Variants in PATE4 observed in about 807,000 individuals in gnomAD.
PATE4 encodes the protein prostate and testis expressed protein 4.
Under a neutral mutation model 8.5 loss-of-function variants are expected in PATE4, and 13 were observed. That is an observed-to-expected ratio of 1.53 (90% confidence interval 1.00 to 2.43). The LOEUF (loss-of-function observed/expected upper bound fraction) is 2.43. Ranked by LOEUF, PATE4 falls within the 30% of genes most tolerant of loss-of-function variation. The probability of loss-of-function intolerance (pLI) is 0.00; values close to 1 mark genes in which losing one functional copy is unlikely to be tolerated. For missense variants in PATE4, 127 were observed against 115.5 expected (o/e 1.10, Z -0.46); for synonymous variants, 47 against 39.3 (o/e 1.20, Z -0.73).
chr11:125,837,888 A>G lies in PATE4; in HGVS notation c.79A>G (p.Thr27Ala). 6.4e-7 allele frequency: 1 copy of G among 1,551,222 alleles called. No individual in the cohort carries two copies. The highest frequency in any genetic ancestry group is 8.7e-7 in the Non-Finnish European group (1 of 1,146,588). ...TGCAGTTATGGGTCTGAAGTGTAAT[A>G]CCTGCATATACACAGAAGGATGGAA... is the stretch of plus-strand genomic sequence containing the variant. ...LKEVMGLKCN[T>A]CIYTEGWKCM... is the part of the protein sequence containing the mutation. The change falls in exon 2 of 3, where the codon ACC becomes GCC. Residue 27 changes from threonine (T) to alanine (A), a missense_variant. Physicochemically the swap from Thr to Ala is moderately conservative, Grantham distance 58. Coordinates refer to ENST00000457514, the MANE Select transcript of PATE4 (RefSeq NM_001144874.1).
At chr11:125,838,250 A>G in intron 2 of PATE4, 56 bp from the exon 3 acceptor site, 2 of 1,474,014 alleles carry the variant, frequency 1.4e-6, no homozygotes, top group South Asian at 1.4e-5. Context: ...GAGTTTTAGT[A>G]AGTCACTAGT....
Position 125,837,861 on chromosome 11 carries a change from C to G in PATE4, c.59-7C>G. Reference sequence around the variant, plus strand: ...AGCCTGAATATTCTATTCTCTCCACCCTGCAGTTATGGGTCTGAAGTGTAA... The same window carrying G: ...AGCCTGAATATTCTATTCTCTCCACGCTGCAGTTATGGGTCTGAAGTGTAA... On this transcript the variant is annotated splice_region_variant and splice_polypyrimidine_tract_variant and intron_variant, in intron 1 of 2. Coordinates refer to ENST00000457514, the MANE Select transcript of PATE4 (RefSeq NM_001144874.1). 6.5e-7 allele frequency: 1 copy of G among 1,541,380 alleles called. No individual in the cohort carries two copies. The highest frequency in any genetic ancestry group is 8.8e-7 in the Non-Finnish European group (1 of 1,138,064).
intron 1 of PATE4, among the ~76,000 whole-genome samples, chr11:125,837,453 GC>G (rs1943928685): frequency 6.6e-6 from 1 of 151,904 alleles, no homozygotes; most frequent in African/African-American, 2.4e-5. Flanking sequence ...CCCATCCCCT[GC>G]CCCCACCTCC....
Position 125,838,323 on chromosome 11 carries a change from T to C in PATE4, c.193T>C (p.Ser65Pro). The C allele has an allele frequency of 6.5e-7, 1 of 1,548,960 alleles. No individual in the cohort carries two copies. The highest frequency in any genetic ancestry group is 1.2e-5 in the South Asian group (1 of 83,728). ...ATTTTCAGGAGACAAACATATGTAC[T>C]CAACACATATGTGTAAGTATAAGTG... ...AYFRGDKHMYSTHMCKYKCRE... is the reference protein window; with the variant it reads ...AYFRGDKHMYPTHMCKYKCRE... Residue 65 changes from serine to proline, a missense_variant, in exon 3 of 3, where the codon TCA becomes CCA. By Grantham distance (74) the Ser-to-Pro change is moderately conservative. Coordinates refer to ENST00000457514, the MANE Select transcript of PATE4 (RefSeq NM_001144874.1).
In PATE4 at chr11:125,837,878, G is replaced by A; in HGVS notation, c.69G>A (p.Leu23=). ...CTCTCCACCCTGCAGTTATGGGTCT[G>A]AAGTGTAATACCTGCATATACACAG... ...SFLYLKEVMG[L]KCNTCIYTEG... The change falls in exon 2 of 3, where the codon CTG becomes CTA. Residue 23 remains leucine (L), a synonymous_variant. Transcript: ENST00000457514. The A allele has an allele frequency of 6.4e-7, 1 of 1,550,744 alleles. No homozygotes were observed. The highest frequency in any genetic ancestry group is 8.7e-7 in the Non-Finnish European group (1 of 1,146,210).
rs1943936159 is a variant in PATE4 at position 125,838,390 on chromosome 11, CA to C, written c.261del (p.Leu88CysfsTer15). 6.4e-7 allele frequency: 1 copy of C among 1,551,228 alleles called. No homozygotes were observed. The highest frequency in any genetic ancestry group is 2.0e-5 in the Admixed American group (1 of 50,884). On this transcript the variant is annotated frameshift_variant, in exon 3 of 3. Transcript: ENST00000457514. LOFTEE classifies it high-confidence loss of function. The stretch of plus-strand genomic sequence containing the variant: ...TCCAAAAGAGGCCTGTTGAGAGTGA[CA>C]CTGTGCTGTGACAGAAACTTCTGTA... Reference protein sequence around the residue: ...ESSKRGLLRVTLCCDRNFCNV... With the variant: ...ESSKRGLLRVXLCCDRNFCNV...
chr11:125,838,392 CTG>C lies in PATE4; in HGVS notation c.265_266del (p.Cys89LeufsTer2). 6.4e-7 allele frequency: 1 copy of C among 1,551,214 alleles called. No homozygotes were observed. The highest frequency in any genetic ancestry group is 8.7e-7 in the Non-Finnish European group (1 of 1,146,810). On this transcript the variant is annotated frameshift_variant, in exon 3 of 3. Coordinates refer to ENST00000457514, the MANE Select transcript of PATE4 (RefSeq NM_001144874.1). LOFTEE classifies it high-confidence loss of function. ...SSKRGLLRVT[L>X]CCDRNFCNVF is the part of the protein sequence containing the mutation. ...CAAAAGAGGCCTGTTGAGAGTGACA[CTG>C]TGCTGTGACAGAAACTTCTGTAATG...
intron 1 of PATE4, among the ~76,000 whole-genome samples, chr11:125,833,798 C>A (rs771060932): frequency 3.3e-5 from 5 of 152,042 alleles, no homozygotes; most frequent in Non-Finnish European, 7.4e-5. Flanking sequence ...ACTGGGATAC[C>A]TTAAGGCTTT....
intron 1 of PATE4, among the ~76,000 whole-genome samples, chr11:125,837,490 C>G (rs548741882): frequency 3.9e-4 from 59 of 152,322 alleles, no homozygotes; most frequent in African/African-American, 1.4e-3. Context: ...ATCTCAAGAG[C>G]CAGCTCAAGT....
At chr11:125,837,103 C>T (rs1163201998) in intron 1 of PATE4, among the ~76,000 whole-genome samples, 2 of 152,196 alleles carry the variant, frequency 1.3e-5, no homozygotes, top group Non-Finnish European at 1.5e-5. Flanking sequence ...CATATAAATT[C>T]GGATTCTATA....
At chr11:125,836,101 A>G (rs2134200625) in intron 1 of PATE4, among the ~76,000 whole-genome samples, 1 of 147,366 alleles carries the variant, frequency 6.8e-6, no homozygotes, top group Non-Finnish European at 1.5e-5. Context: ...GATTATTCTT[A>G]TGCCCGAAAG....
At chr11:125,834,543 T>G (rs1181343560) in intron 1 of PATE4, among the ~76,000 whole-genome samples, 1 of 152,200 alleles carries the variant, frequency 6.6e-6, no homozygotes, top group Non-Finnish European at 1.5e-5. Context: ...TATTTGAGTA[T>G]TAAAGTTGTG....
chr11:125,837,588 T>A (rs1370775700), intron 1 of PATE4, among the ~76,000 whole-genome samples: 1 of 152,228 alleles, frequency 6.6e-6, no homozygotes, highest in African/African-American at 2.4e-5. Flanking sequence ...GTTTATCTGG[T>A]TGACTATATA....
chr11:125,837,880 A>AGT lies in PATE4; in HGVS notation c.74_75dup (p.Asn26ValfsTer60), dbSNP rs1943931601. Reference sequence around the variant, plus strand: ...CTCCACCCTGCAGTTATGGGTCTGAAGTGTAATACCTGCATATACACAGAA... The same window carrying AGT: ...CTCCACCCTGCAGTTATGGGTCTGAAGTGTGTAATACCTGCATATACACAGAA... On this transcript the variant is annotated frameshift_variant, in exon 2 of 3. Coordinates refer to ENST00000457514, the MANE Select transcript of PATE4 (RefSeq NM_001144874.1). LOFTEE classifies it high-confidence loss of function. 1.7e-5 allele frequency: 26 copies of AGT among 1,550,808 alleles called. No homozygotes were observed. The highest frequency in any genetic ancestry group is 2.3e-5 in the Non-Finnish European group (26 of 1,146,262).
In PATE4 at chr11:125,838,340, G is replaced by A; in HGVS notation, c.210G>A (p.Lys70=). 6.4e-7 allele frequency: 1 copy of A among 1,551,150 alleles called. No homozygotes were observed. Among genetic ancestry groups the A allele is most frequent in the East Asian group, 2.4e-5 (1 of 40,908 alleles). Residue 70 remains lysine, a synonymous_variant, in exon 3 of 3, where the codon AAG becomes AAA. Coordinates refer to ENST00000457514, the MANE Select transcript of PATE4 (RefSeq NM_001144874.1). ...ATATGTACTCAACACATATGTGTAA[G>A]TATAAGTGCCGGGAAGAGGAGTCCT... The part of the protein sequence containing the change: ...DKHMYSTHMC[K]YKCREEESSK...
Position 125,833,365 on chromosome 11 carries a change from G to A in PATE4, c.6G>A (p.Arg2=). The change falls in exon 1 of 3, where the codon AGG becomes AGA. Residue 2 remains arginine (R), a synonymous_variant. Coordinates refer to ENST00000457514, the MANE Select transcript of PATE4 (RefSeq NM_001144874.1). ...GTCACCCAAACAAGCATCCAATGAG[G>A]AAAATGAACACACTGCTCCTTGTGA... M[R]KMNTLLLVSL... The A allele has an allele frequency of 6.4e-7, 1 of 1,551,456 alleles. No homozygotes were observed. Among genetic ancestry groups the A allele is most frequent in the Non-Finnish European group, 8.7e-7 (1 of 1,146,882 alleles).
At chr11:125,835,377 C>T (rs1013161085) in intron 1 of PATE4, 3 of 152,198 alleles carry the variant, frequency 2.0e-5, no homozygotes, top group Admixed American at 2.0e-4. Context: ...GCATTACATA[C>T]AAGCAGGGAG....
In PATE4 at chr11:125,833,392, C is replaced by T; in HGVS notation, c.33C>T (p.Ser11=). The part of the protein sequence containing the change: MRKMNTLLLV[S]LSFLYLKEVM... Reference sequence around the variant, plus strand: ...AAATGAACACACTGCTCCTTGTGAGCTTATCTTTTCTCTACCTCAAAGAGG... The same window carrying T: ...AAATGAACACACTGCTCCTTGTGAGTTTATCTTTTCTCTACCTCAAAGAGG... Residue 11 remains serine, a synonymous_variant, in exon 1 of 3, where the codon AGC becomes AGT. Transcript: ENST00000457514. 1 of 1,551,530 alleles carries T rather than the reference C, an allele frequency of 6.4e-7. No individual in the cohort carries two copies. Among genetic ancestry groups the T allele is most frequent in the Non-Finnish European group, 8.7e-7 (1 of 1,146,874 alleles).
chr11:125,838,352 G>A lies in PATE4; in HGVS notation c.222G>A (p.Arg74=), dbSNP rs1366265139. 6.4e-7 allele frequency: 1 copy of A among 1,551,274 alleles called. No homozygotes were observed. The highest frequency in any genetic ancestry group is 8.7e-7 in the Non-Finnish European group (1 of 1,146,774). ...CACATATGTGTAAGTATAAGTGCCGGGAAGAGGAGTCCTCCAAAAGAGGCC... is the reference window on the plus strand; with the variant it reads ...CACATATGTGTAAGTATAAGTGCCGAGAAGAGGAGTCCTCCAAAAGAGGCC... ...YSTHMCKYKC[R]EEESSKRGLL... The change falls in exon 3 of 3, where the codon CGG becomes CGA. Residue 74 remains arginine, a synonymous_variant. Coordinates refer to ENST00000457514, the MANE Select transcript of PATE4 (RefSeq NM_001144874.1).
Sources: allele counts gnomAD v4.1 joint callset (sites outside exome capture counted in the v4.1 genomes callset), GRCh38; gene constraint gnomAD v4.1.1; transcripts MANE v1.5; gene names NCBI Gene and HGNC (gene_info 2026-07-23, HGNC 2026-07-21).